TMEM150B: variants seen among roughly 807,000 people sequenced by gnomAD.
TMEM150B encodes the protein modulator of macroautophagy TMEM150B.
Under a neutral mutation model 25.2 loss-of-function variants are expected in TMEM150B, and 33 were observed. That is an observed-to-expected ratio of 1.31 (90% CI 0.99 to 1.75). The LOEUF is 1.75. Among genes scored for constraint, TMEM150B ranks in the 40% most tolerant of loss-of-function variants. The pLI is 0.00. For synonymous variants in TMEM150B, 133 were observed against 134.8 expected (o/e 0.99, Z 0.09); for missense variants, 322 against 306.1 (o/e 1.05, Z -0.39).
Position 55,320,040 on chromosome 19 carries a change from T to G in TMEM150B, c.323A>C (p.Gln108Pro). Residue 108 changes from glutamine to proline, a missense_variant and splice_region_variant, in exon 6 of 8, where the codon CAG (glutamine) becomes CCG (proline). By Grantham distance (76) the Gln-to-Pro change is moderately conservative (BLOSUM62 -1). Coordinates refer to ENST00000326652, the MANE Select transcript of TMEM150B (RefSeq NM_001282011.2). ...ALGTSVVGNFQEKNQRPTHLA... is the reference protein window; with the variant it reads ...ALGTSVVGNFPEKNQRPTHLA... The stretch of plus-strand genomic sequence containing the variant: ...CCCTGGGCGCCGACTGGGTCTCACC[T>G]GGAAATTGCCTACCACGGAGGTGCC... The G allele has an allele frequency of 5.0e-6, 8 of 1,613,996 alleles. No homozygotes were observed. Among genetic ancestry groups the G allele is most frequent in the Non-Finnish European group, 6.8e-6 (8 of 1,180,000 alleles).
At position 55,320,634 on chromosome 19, in the gene TMEM150B, A is replaced by G; in HGVS notation, c.69-17T>C. On this transcript the variant is annotated splice_polypyrimidine_tract_variant and intron_variant, in intron 3 of 7. Coordinates refer to ENST00000326652, the MANE Select transcript of TMEM150B (RefSeq NM_001282011.2). ...ATGGCAAAACTACGGAGGAAATCAG[A>G]GTGAGTGGGCGACTCTCACCAACAA... is the stretch of plus-strand genomic sequence containing the variant. The G allele has an allele frequency of 6.2e-7, 1 of 1,607,400 alleles. No individual in the cohort carries two copies. Among genetic ancestry groups the G allele is most frequent in the Non-Finnish European group, 8.5e-7 (1 of 1,174,732 alleles).
intron 7 of TMEM150B, 108 bp from the exon 8 acceptor site, chr19:55,313,163 T>C: frequency 8.6e-7 from 1 of 1,164,846 alleles, no homozygotes; most frequent in East Asian, 2.6e-5. Context: ...GTCCCCATCC[T>C]CAGCTCTCCC....
rs535985419 is a variant in TMEM150B at position 55,317,080 on chromosome 19, C to T, written c.325-114G>A. 3.0e-5 allele frequency: 27 copies of T among 900,152 alleles called. No individual in the cohort carries two copies. In the East Asian group the frequency reaches 7.4e-4, roughly 25 times the overall value. 55.8% of individuals were successfully genotyped at this position (900,152 alleles called of 1,614,324 possible). A position where few individuals can be genotyped will look rare whatever the true frequency, so the allele number is the denominator to read the frequency against. The stretch of plus-strand genomic sequence containing the variant: ...AGACAGTGGTCACCAACTTTCCATA[C>T]CCAGTGATGGGCTTATTAAGCACAT... On this transcript the variant is annotated intron_variant, in intron 6 of 7. Coordinates refer to ENST00000326652, the MANE Select transcript of TMEM150B (RefSeq NM_001282011.2).
chr19:55,325,169 C>T, intron 1 of TMEM150B, 103 bp downstream of exon 1: 7 of 598,128 alleles, frequency 1.2e-5, no homozygotes, highest in Non-Finnish European at 1.5e-5. Flanking sequence ...CACTGGTGTC[C>T]CCACGGTGCT....
At chr19:55,314,021 G>A (rs35263107) in intron 7 of TMEM150B, among the ~76,000 whole-genome samples, 15,279 of 152,102 alleles carry the variant, frequency 0.1, 820 homozygotes, top group Middle Eastern at 0.18. Context: ...GCAACAGAGC[G>A]AGACCTGGTC....
rs564976145 is a variant in TMEM150B at position 55,322,616 on chromosome 19, C to G, written c.-58+32G>C. The stretch of plus-strand genomic sequence containing the variant: ...GCCCTCCCAGCCCCTCCGTGCACCT[C>G]CCAGCCTCCAGGGCCTCCCCAGGAT... On this transcript the variant is annotated intron_variant, in intron 2 of 7. Transcript: ENST00000326652. The G allele has an allele frequency of 3.1e-6, 3 of 975,478 alleles. No individual in the cohort carries two copies. The East Asian group carries it at 3.4e-4, about 112-fold the overall frequency. 60.4% of individuals were successfully genotyped at this position (975,478 alleles called of 1,614,324 possible).
chr19:55,315,299 G>A (rs553697274), intron 7 of TMEM150B, among the ~76,000 whole-genome samples: 2 of 151,774 alleles, frequency 1.3e-5, no homozygotes, highest in African/African-American at 2.4e-5. Flanking sequence ...CTGGGTGACA[G>A]AGTGAGACTC....
intron 6 of TMEM150B, among the ~76,000 whole-genome samples, chr19:55,317,395 C>T (rs899226890): frequency 1.3e-5 from 2 of 152,084 alleles, no homozygotes; most frequent in Non-Finnish European, 2.9e-5. Context: ...TCTGTAATCC[C>T]AGCTCTTTGG....
At chr19:55,319,930 C>T (rs1475443444) in intron 6 of TMEM150B, 109 bp downstream of exon 6, 3 of 1,539,846 alleles carry the variant, frequency 1.9e-6, no homozygotes, top group Admixed American at 4.1e-5. Context: ...CCAGGAGGGC[C>T]GGGCGGGAAC....
At chr19:55,319,583 T>C (rs1366446481) in intron 6 of TMEM150B, 1 of 215,278 alleles carries the variant, frequency 4.6e-6, no homozygotes, top group African/African-American at 2.4e-5. Context: ...GTAGCTGGGA[T>C]TAAGTCGCCT....
At chr19:55,312,010 G>A (rs761104183), downstream of TMEM150B, 2 of 1,355,794 alleles carry the variant, frequency 1.5e-6, no homozygotes, top group South Asian at 1.3e-5. Context: ...AGCTCTCCCC[G>A]CCGAGGCCCC....
chr19:55,310,946 G>A (rs2088776142), downstream of TMEM150B, among the ~76,000 whole-genome samples: 3 of 152,054 alleles, frequency 2.0e-5, no homozygotes, highest in South Asian at 6.2e-4. This position sits in a 1 kb window ranked among gnomAD's most constrained non-coding sequence, Gnocchi z 5.0. Flanking sequence ...TGGTTGCTAT[G>A]ACAAGCCCCC....
In TMEM150B at chr19:55,320,136, T is replaced by C. The variant is rs2089156629; in HGVS notation, c.227A>G (p.Gln76Arg). Residue 76 changes from glutamine to arginine, a missense_variant, in exon 6 of 8, where the codon CAG (glutamine) becomes CGG (arginine). Physicochemically the swap from Gln to Arg is conservative, Grantham distance 43. Transcript: ENST00000326652. Reference sequence around the variant, plus strand: ...CCTTCTGACGCCCCAGTCCCGGAGCTGGTGGTAACGGACAATGCAGATCCA... The same window carrying C: ...CCTTCTGACGCCCCAGTCCCGGAGCCGGTGGTAACGGACAATGCAGATCCA... ...AAWICIVRYH[Q>R]LRDWGVRRWP... 1 of 1,614,082 alleles carries C rather than the reference T, an allele frequency of 6.2e-7. No individual in the cohort carries two copies. The highest frequency in any genetic ancestry group is 8.5e-7 in the Non-Finnish European group (1 of 1,180,010).
chr19:55,324,754 C>A (rs1720736968), intron 1 of TMEM150B: 1 of 985,352 alleles, frequency 1.0e-6, no homozygotes. Flanking sequence ...CCTTCTGCTG[C>A]CAAATGCCTC....
intron 7 of TMEM150B, among the ~76,000 whole-genome samples, chr19:55,315,489 C>T (rs559207860): frequency 6.6e-6 from 1 of 151,916 alleles, no homozygotes; most frequent in Non-Finnish European, 1.5e-5. Flanking sequence ...AGGCCAGGCA[C>T]GGTGGCTCAC....
Position 55,312,980 on chromosome 19 carries a change from G to A in TMEM150B, c.581C>T (p.Ala194Val), listed in dbSNP as rs1252650138. 6.2e-7 allele frequency: 1 copy of A among 1,613,618 alleles called. No individual in the cohort carries two copies. Among genetic ancestry groups the A allele is most frequent in the Non-Finnish European group, 8.5e-7 (1 of 1,179,832 alleles). The change falls in exon 8 of 8, where the codon GCG becomes GTG. Residue 194 changes from alanine (A) to valine (V), a missense_variant. Coordinates refer to ENST00000326652, the MANE Select transcript of TMEM150B (RefSeq NM_001282011.2). ...GTCAACGGCTAAGAGACCGAAGAGC[G>A]CGAACAGCAGCATGGCCACGACCCA... ...CEWVVAMLLF[A>V]LFGLLAVDFS... is the part of the protein sequence containing the mutation.
chr19:55,320,346 G>A (rs752992804), intron 5 of TMEM150B, 45 bp downstream of exon 5: 1 of 1,506,756 alleles, frequency 6.6e-7, no homozygotes, highest in South Asian at 1.3e-5. Context: ...GAACTCGCTT[G>A]GCTGGGCTTG....
At chr19:55,317,024 C>T in intron 6 of TMEM150B, 58 bp from the exon 7 acceptor site, 3 of 1,513,010 alleles carry the variant, frequency 2.0e-6, no homozygotes, top group Non-Finnish European at 2.7e-6. Context: ...TAAGGGGCAC[C>T]AGAGGGGCCA....
chr19:55,315,586 C>T (rs1165740970), intron 7 of TMEM150B, among the ~76,000 whole-genome samples: 1 of 152,006 alleles, frequency 6.6e-6, no homozygotes, highest in Non-Finnish European at 1.5e-5. Context: ...ATGGTGAAAC[C>T]CTGTCCCTAC....
Sources: allele counts gnomAD v4.1 joint callset (sites outside exome capture counted in the v4.1 genomes callset), GRCh38; gene constraint gnomAD v4.1.1; non-coding constraint Gnocchi (gnomAD v3.1); transcripts MANE v1.5; gene names NCBI Gene and HGNC (gene_info 2026-07-23, HGNC 2026-07-21).